METTL16: variants seen among roughly 807,000 people sequenced by gnomAD.
METTL16 encodes RNA N(6)-adenosine-methyltransferase METTL16.
In METTL16, 19 loss-of-function variants were observed where a neutral mutation model predicts 57.9. That is an observed-to-expected ratio of 0.33 (90% confidence interval 0.23 to 0.48). The LOEUF (loss-of-function observed/expected upper bound fraction) is 0.48, where lower values mean the gene tolerates loss of function less well. Among genes scored for constraint, METTL16 ranks in the 20% least tolerant of loss-of-function variants. The probability of loss-of-function intolerance (pLI) is 0.99; values close to 1 mark genes in which losing one functional copy is unlikely to be tolerated. For missense variants in METTL16, 434 were observed against 691.5 expected, an observed-to-expected ratio of 0.63 and a Z score of 4.18; for synonymous variants, 246 against 255.6, an observed-to-expected ratio of 0.96 and a Z score of 0.36.
At chr17:2,501,849 CT>C (rs1457443663) in intron 2 of METTL16, among the ~76,000 whole-genome samples, 5 of 145,896 alleles carry the variant, frequency 3.4e-5, no homozygotes, top group Non-Finnish European at 6.0e-5. Flanking sequence ...CAGAGCGAGA[CT>C]TTGTCTCAAA....
chr17:2,506,496 C>T (rs866856694), intron 1 of METTL16, among the ~76,000 whole-genome samples: 1 of 91,688 alleles, frequency 1.1e-5, no homozygotes, highest in African/African-American at 2.7e-5. Flanking sequence ...CTGTGTTGGC[C>T]GGGCTGGTCT....
chr17:2,428,022 G>A (rs1046112020), intron 8 of METTL16, among the ~76,000 whole-genome samples: 5 of 150,832 alleles, frequency 3.3e-5, no homozygotes, highest in Non-Finnish European at 7.4e-5. Context: ...GTGGAAGAGG[G>A]AAGGAGAGGG....
At chr17:2,436,518 A>G (rs1428096193) in intron 8 of METTL16, among the ~76,000 whole-genome samples, 1 of 152,206 alleles carries the variant, frequency 6.6e-6, no homozygotes, top group African/African-American at 2.4e-5. Context: ...GAGCAGGAGA[A>G]GAGACTCAGA....
intron 8 of METTL16, among the ~76,000 whole-genome samples, chr17:2,422,475 T>C (rs907207595): frequency 2.6e-5 from 4 of 151,714 alleles, no homozygotes; most frequent in Non-Finnish European, 5.9e-5. Flanking sequence ...CCACCTCCGG[T>C]TTCAAGCGAT....
At chr17:2,429,310 T>C (rs2066852492) in intron 8 of METTL16, among the ~76,000 whole-genome samples, 1 of 149,030 alleles carries the variant, frequency 6.7e-6, no homozygotes, top group Non-Finnish European at 1.5e-5. Context: ...TGCCTCAGCC[T>C]CCCAAGTAGA....
intron 8 of METTL16, among the ~76,000 whole-genome samples, chr17:2,434,877 A>G (rs1468484056): frequency 6.6e-6 from 1 of 152,234 alleles, no homozygotes; most frequent in Non-Finnish European, 1.5e-5. Flanking sequence ...AGAGTTCCTG[A>G]GCAGTGCTCA....
rs764256336 is a variant in METTL16 at position 2,420,716 on chromosome 17, T to C, written c.1062+15A>G. On this transcript the variant is annotated intron_variant, in intron 9 of 9. Coordinates refer to ENST00000263092, the MANE Select transcript of METTL16 (RefSeq NM_024086.4). This position sits in a 1 kb window ranked among gnomAD's most constrained non-coding sequence, Gnocchi z 5.4. ...GATCATTATGAGTACTTCGTCAATATGGTTAAGCAGGTACCTTCAAATCAG... is the reference window on the plus strand; with the variant it reads ...GATCATTATGAGTACTTCGTCAATACGGTTAAGCAGGTACCTTCAAATCAG... 1.3e-6 allele frequency: 2 copies of C among 1,596,356 alleles called. No homozygotes were observed. The highest frequency in any genetic ancestry group is 1.7e-6 in the Non-Finnish European group (2 of 1,173,682).
intron 6 of METTL16, among the ~76,000 whole-genome samples, chr17:2,452,090 T>C (rs954549629): frequency 1.3e-5 from 2 of 148,906 alleles, no homozygotes; most frequent in East Asian, 2.0e-4. Context: ...TGAGCAGTGA[T>C]TGCACCACTG....
intron 6 of METTL16, among the ~76,000 whole-genome samples, chr17:2,456,157 G>A (rs1293608758): frequency 6.6e-6 from 1 of 151,988 alleles, no homozygotes; most frequent in African/African-American, 2.4e-5. Flanking sequence ...TTGCAAAAAC[G>A]CTGCACTACC....
At chr17:2,461,288 C>G (rs1446002223) in intron 6 of METTL16, among the ~76,000 whole-genome samples, 1 of 151,900 alleles carries the variant, frequency 6.6e-6, no homozygotes, top group Non-Finnish European at 1.5e-5. Context: ...AACTGGGAAG[C>G]AGACAGAGGC....
At chr17:2,433,836 C>G (rs557264152) in intron 8 of METTL16, among the ~76,000 whole-genome samples, 2 of 152,170 alleles carry the variant, frequency 1.3e-5, no homozygotes, top group African/African-American at 2.4e-5. Flanking sequence ...CACCGACCTA[C>G]GAGTCAGACG....
chr17:2,455,152 T>G (rs2067100804), intron 6 of METTL16: 3 of 171,926 alleles, frequency 1.7e-5, no homozygotes, highest in Non-Finnish European at 3.6e-5. Context: ...GCAATGGCGT[T>G]ATCTTGGCTC....
chr17:2,452,463 G>A (rs967069062), intron 6 of METTL16, among the ~76,000 whole-genome samples: 3 of 151,792 alleles, frequency 2.0e-5, no homozygotes, highest in Admixed American at 1.3e-4. Flanking sequence ...TACTCTCAAC[G>A]GGCATCTTGT....
chr17:2,488,471 C>T (rs112742855), intron 2 of METTL16, among the ~76,000 whole-genome samples: 12 of 152,100 alleles, frequency 7.9e-5, no homozygotes, highest in Non-Finnish European at 1.6e-4. Flanking sequence ...GCAGGAGAAT[C>T]GCTTCAACCC....
intron 6 of METTL16, among the ~76,000 whole-genome samples, chr17:2,447,606 C>T (rs1204298085): frequency 2.5e-4 from 28 of 110,418 alleles, no homozygotes; most frequent in African/African-American, 6.3e-4. Context: ...CCCGGCCAGC[C>T]GCCCAGTCCG....
intron 6 of METTL16, among the ~76,000 whole-genome samples, chr17:2,446,790 C>T (rs914886735): frequency 6.6e-6 from 1 of 152,112 alleles, no homozygotes; most frequent in Non-Finnish European, 1.5e-5. Flanking sequence ...GCTGTGTTGG[C>T]CGGGCTGGTC....
rs542840695 is a variant in METTL16 at position 2,463,603 on chromosome 17, A to G, written c.728+605T>C. On this transcript the variant is annotated intron_variant, in intron 6 of 9. Transcript: ENST00000263092. ...CAGCCTCCCTAGTAGCTGGGACTAC[A>G]GGCACCCACCACCACACCCAGCTCA... is the stretch of plus-strand genomic sequence containing the variant. Among the ~76,000 whole-genome samples the G allele has an allele frequency of 1.6e-3, 237 of 152,060 alleles. 3 individuals are homozygous for G. Among genetic ancestry groups the G allele is most frequent in the African/African-American group, 5.3e-3 (220 of 41,486 alleles).
chr17:2,502,170 C>G, intron 2 of METTL16, 34 bp downstream of exon 2: 1 of 1,603,288 alleles, frequency 6.2e-7, no homozygotes, highest in South Asian at 1.1e-5. Context: ...TTGAATCACA[C>G]AAGAATAACA....
intron 4 of METTL16, among the ~76,000 whole-genome samples, chr17:2,471,957 T>C (rs1284338880): frequency 1.3e-5 from 2 of 150,984 alleles, no homozygotes; most frequent in Non-Finnish European, 3.0e-5. Context: ...CTACTAAAAA[T>C]ACAAAAATTA....
Sources: allele counts gnomAD v4.1 joint callset (sites outside exome capture counted in the v4.1 genomes callset), GRCh38; gene constraint gnomAD v4.1.1; non-coding constraint Gnocchi (gnomAD v3.1); transcripts MANE v1.5; gene names NCBI Gene and HGNC (gene_info 2026-07-23, HGNC 2026-07-21).